The following KBTBD11 variants were observed in gnomAD, a reference collection of about 807,000 sequenced individuals.
The protein encoded by KBTBD11 is kelch repeat and BTB domain containing 11.
For missense variants in KBTBD11, 1,390 were observed against 1,001.8 expected (o/e 1.39, Z -5.23); for synonymous variants, 747 against 499.0 (o/e 1.50, Z -6.63).
intron 1 of KBTBD11, among the ~76,000 whole-genome samples, chr8:1,991,145 G>C (rs1402206250): frequency 6.6e-6 from 1 of 152,172 alleles, no homozygotes; most frequent in African/African-American, 2.4e-5. Context: ...GTGGGGCCTT[G>C]GTGCCCTCTT....
At chr8:1,985,052 C>G (rs1483435146) in intron 1 of KBTBD11, among the ~76,000 whole-genome samples, 4 of 152,220 alleles carry the variant, frequency 2.6e-5, no homozygotes, top group African/African-American at 9.7e-5. Context: ...ACAGTATGCC[C>G]TGGGTCCTCG....
chr8:2,001,376 GCCACCTCCC>G lies in KBTBD11; in HGVS notation c.186_194del (p.Thr63_Pro65del), dbSNP rs1817344102. On this transcript the variant is annotated inframe_deletion, in exon 2 of 2. Coordinates refer to ENST00000320248, the MANE Select transcript of KBTBD11 (RefSeq NM_014867.3). ...CCTCGCCTCAGCGGCGGAAGGCGCG[GCCACCTCCC>G]CGCCCTCCAGCGGTGGCCCGCGGGT... is the stretch of plus-strand genomic sequence containing the variant. 1 of 1,468,698 alleles carries G rather than the reference GCCACCTCCC, an allele frequency of 6.8e-7. No homozygotes were observed. Among genetic ancestry groups the G allele is most frequent in the Admixed American group, 2.3e-5 (1 of 43,388 alleles). 91.0% of individuals were successfully genotyped at this position (1,468,698 alleles called of 1,614,324 possible).
intron 1 of KBTBD11, among the ~76,000 whole-genome samples, chr8:1,990,365 G>A (rs1399529944): frequency 6.9e-6 from 1 of 143,904 alleles, no homozygotes; most frequent in African/African-American, 2.6e-5. Context: ...CGCCCTGTCC[G>A]GGTAGATGCT....
intron 1 of KBTBD11, among the ~76,000 whole-genome samples, chr8:1,997,311 C>T (rs757104240): frequency 3.0e-4 from 45 of 151,900 alleles, no homozygotes; most frequent in South Asian, 6.2e-4. Flanking sequence ...ACAGTCACCG[C>T]GGTTGCTGAT....
intron 1 of KBTBD11, among the ~76,000 whole-genome samples, chr8:1,998,023 C>G (rs536642241): frequency 6.6e-5 from 10 of 152,266 alleles, no homozygotes; most frequent in Admixed American, 5.9e-4. Flanking sequence ...CTTGGGCCAG[C>G]TGGAATAAGA....
rs903576636 is a variant in KBTBD11 at position 2,003,961 on chromosome 8, A to G, written c.*897A>G. ...TTCATAATCTGGAACGAGATAAAAT[A>G]TTCCTAAAAAGCGGGGAAAATCATT... On this transcript the variant is annotated 3_prime_UTR_variant, in exon 2 of 2. Transcript: ENST00000320248. 6.0e-6 allele frequency: 1 copy of G among 166,890 alleles called. No individual in the cohort carries two copies. Among genetic ancestry groups the G allele is most frequent in the Non-Finnish European group, 1.5e-5 (1 of 68,112 alleles). 10.3% of individuals were successfully genotyped at this position (166,890 alleles called of 1,614,324 possible).
rs1283076620 is a variant in KBTBD11, at chr8:2,001,560, C to G, written c.368C>G (p.Pro123Arg). The G allele has an allele frequency of 1.4e-6, 2 of 1,433,632 alleles. No homozygotes were observed. Among genetic ancestry groups the G allele is most frequent in the South Asian group, 1.4e-5 (1 of 73,938 alleles). The allele number at this position is 1,433,632 out of a possible 1,614,324, so 88.8% of individuals were successfully genotyped here. The change falls in exon 2 of 2, where the codon CCC (proline) becomes CGC (arginine). Residue 123 changes from proline to arginine, a missense_variant. By Grantham distance (103) the Pro-to-Arg change is moderately radical (BLOSUM62 -2). Coordinates refer to ENST00000320248, the MANE Select transcript of KBTBD11 (RefSeq NM_014867.3). Reference sequence around the variant, plus strand: ...GAGGACCCCGCGTCCCCCGAGGAGCCCGGGGAGCCCGCGCCCGTACCCCCG... The same window carrying G: ...GAGGACCCCGCGTCCCCCGAGGAGCGCGGGGAGCCCGCGCCCGTACCCCCG... ...WLEDPASPEE[P>R]GEPAPVPPGF...
At chr8:1,993,220 T>C (rs945371589) in intron 1 of KBTBD11, among the ~76,000 whole-genome samples, 1 of 152,114 alleles carries the variant, frequency 6.6e-6, no homozygotes, top group African/African-American at 2.4e-5. Flanking sequence ...GTGCTGGGAT[T>C]ACAGTCATGA....
In KBTBD11 at chr8:1,973,864, C is replaced by T. The variant is rs964856372; in HGVS notation, c.-980C>T. 1.2e-4 allele frequency: 114 copies of T among 982,726 alleles called. No individual in the cohort carries two copies. Among genetic ancestry groups the T allele is most frequent in the Non-Finnish European group, 1.3e-4 (107 of 828,958 alleles). 60.9% of individuals were successfully genotyped at this position (982,726 alleles called of 1,614,324 possible). A position where few individuals can be genotyped will look rare whatever the true frequency, so the allele number is the denominator to read the frequency against. ...TCCCACAGGTGCCGGGAAGCGGCCG[C>T]GCGCATGCGCCGGAGCCCACCCGCC... On this transcript the variant is annotated 5_prime_UTR_variant, in exon 1 of 2. Coordinates refer to ENST00000320248, the MANE Select transcript of KBTBD11 (RefSeq NM_014867.3).
intron 1 of KBTBD11, among the ~76,000 whole-genome samples, chr8:1,994,116 T>A (rs1323197944): frequency 6.6e-6 from 1 of 152,150 alleles, no homozygotes; most frequent in Non-Finnish European, 1.5e-5. Context: ...AGAATATCTA[T>A]TGTATAAAAG....
intron 1 of KBTBD11, among the ~76,000 whole-genome samples, chr8:1,990,449 C>T (rs529466339): frequency 8.3e-6 from 1 of 120,888 alleles, no homozygotes; most frequent in East Asian, 2.5e-4. Flanking sequence ...GCTGCGGGGC[C>T]TTGGCGCCCT....
Position 2,002,952 on chromosome 8 carries a change from A to G in KBTBD11, c.1760A>G (p.Gln587Arg), listed in dbSNP as rs1353290475. The change falls in exon 2 of 2, where the codon CAG becomes CGG. Residue 587 changes from glutamine to arginine, a missense_variant. By Grantham distance (43) the Gln-to-Arg change is conservative (BLOSUM62 1). Coordinates refer to ENST00000320248, the MANE Select transcript of KBTBD11 (RefSeq NM_014867.3). The surrounding 1 kb of genome is among the most constrained non-coding windows in gnomAD (Gnocchi z 4.1). ...REGEAGGDAG[Q>R]GGGFEALGAP... ...GGCGAGGCCGGCGGCGACGCAGGCC[A>G]GGGCGGCGGCTTCGAGGCGCTGGGC... is the stretch of plus-strand genomic sequence containing the variant. 14 of 1,316,506 alleles carry G rather than the reference A, an allele frequency of 1.1e-5. No homozygotes were observed. The highest frequency in any genetic ancestry group is 1.2e-5 in the Non-Finnish European group (12 of 1,034,454). 81.6% of individuals were successfully genotyped at this position (1,316,506 alleles called of 1,614,324 possible).
At chr8:1,992,137 C>T (rs1370861175) in intron 1 of KBTBD11, among the ~76,000 whole-genome samples, 1 of 152,098 alleles carries the variant, frequency 6.6e-6, no homozygotes, top group Non-Finnish European at 1.5e-5. Flanking sequence ...CTGTTCATTC[C>T]ACCAGGAAGA....
Position 2,002,112 on chromosome 8 carries a change from G to T in KBTBD11, c.920G>T (p.Arg307Leu), listed in dbSNP as rs1324033462. Reference sequence around the variant, plus strand: ...GCGGCGCTCGGGCCGGCGGGGGAGCGCGCGGGCAGCCGGCCTCAGAGCCCC... The same window carrying T: ...GCGGCGCTCGGGCCGGCGGGGGAGCTCGCGGGCAGCCGGCCTCAGAGCCCC... ...LAAALGPAGE[R>L]AGSRPQSPSG... is the part of the protein sequence containing the mutation. The change falls in exon 2 of 2, where the codon CGC (arginine) becomes CTC (leucine). Residue 307 changes from arginine (R) to leucine (L), a missense_variant. Coordinates refer to ENST00000320248, the MANE Select transcript of KBTBD11 (RefSeq NM_014867.3). The surrounding 1 kb of genome is among the most constrained non-coding windows in gnomAD (Gnocchi z 4.1). 1.8e-6 allele frequency: 2 copies of T among 1,097,886 alleles called. No homozygotes were observed. The highest frequency in any genetic ancestry group is 2.2e-6 in the Non-Finnish European group (2 of 905,388). The allele number at this position is 1,097,886 out of a possible 1,614,324, so 68.0% of individuals were successfully genotyped here.
At position 1,976,642 on chromosome 8, in the gene KBTBD11, T is replaced by C. The variant is rs78043990; in HGVS notation, c.-909+2707T>C. Reference sequence around the variant, plus strand: ...GTTGTAAGTAAAGTCAGCCTAGTTCTCTGCTATCTGCAGCTGAGACGTTAA... The same window carrying C: ...GTTGTAAGTAAAGTCAGCCTAGTTCCCTGCTATCTGCAGCTGAGACGTTAA... On this transcript the variant is annotated intron_variant, in intron 1 of 1. Coordinates refer to ENST00000320248, the MANE Select transcript of KBTBD11 (RefSeq NM_014867.3). Among the ~76,000 whole-genome samples the C allele has an allele frequency of 4.4e-3, 672 of 152,160 alleles. 8 individuals are homozygous for C. Among genetic ancestry groups the C allele is most frequent in the African/African-American group, 0.016 (647 of 41,504 alleles).
At chr8:1,975,559 C>A (rs1009703248) in intron 1 of KBTBD11, among the ~76,000 whole-genome samples, 1 of 152,216 alleles carries the variant, frequency 6.6e-6, no homozygotes, top group African/African-American at 2.4e-5. Context: ...GGCTGCACCG[C>A]CTAGGTGTGT....
In KBTBD11 at chr8:2,006,449, C is replaced by G. The variant is rs527705169; in HGVS notation, c.*3385C>G. 1.8e-5 allele frequency: 3 copies of G among 167,012 alleles called. No homozygotes were observed. The highest frequency in any genetic ancestry group is 7.2e-5 in the African/African-American group (3 of 41,600). 10.3% of individuals were successfully genotyped at this position (167,012 alleles called of 1,614,324 possible). A position where few individuals can be genotyped will look rare whatever the true frequency, so the allele number is the denominator to read the frequency against. The stretch of plus-strand genomic sequence containing the variant: ...TTTGGGTTAAAAATCAATCAACTTT[C>G]TGATATTTCCCCTTCTGCAATGTTA... On this transcript the variant is annotated 3_prime_UTR_variant, in exon 2 of 2. Coordinates refer to ENST00000320248, the MANE Select transcript of KBTBD11 (RefSeq NM_014867.3).
rs1030755816 is a variant in KBTBD11, at chr8:2,005,146, G to A, written c.*2082G>A. 1.8e-5 allele frequency: 3 copies of A among 167,088 alleles called. No individual in the cohort carries two copies. In the Admixed American group the frequency reaches 2.0e-4, roughly 11 times the overall value. 10.4% of individuals were successfully genotyped at this position (167,088 alleles called of 1,614,324 possible). On this transcript the variant is annotated 3_prime_UTR_variant, in exon 2 of 2. Coordinates refer to ENST00000320248, the MANE Select transcript of KBTBD11 (RefSeq NM_014867.3). ...TGCACAGTCCTGTGCGGTTCCCATG[G>A]CTTTCCAGCGTTTCATTTAGTGAAG... is the stretch of plus-strand genomic sequence containing the variant.
At chr8:1,985,819 A>G (rs1247373192) in intron 1 of KBTBD11, among the ~76,000 whole-genome samples, 1 of 152,218 alleles carries the variant, frequency 6.6e-6, no homozygotes, top group Non-Finnish European at 1.5e-5. Context: ...AAAAACCAGT[A>G]TGTTGACAAT....
Sources: allele counts gnomAD v4.1 joint callset (sites outside exome capture counted in the v4.1 genomes callset), GRCh38; gene constraint gnomAD v4.1.1; non-coding constraint Gnocchi (gnomAD v3.1); transcripts MANE v1.5; gene names NCBI Gene and HGNC (gene_info 2026-07-23, HGNC 2026-07-21).